Variants in ANGPT2 observed in about 807,000 individuals in gnomAD.
ANGPT2 encodes the protein angiopoietin 2.
ANGPT2 carries 28 observed loss-of-function variants against 62.9 expected under a neutral mutation model. That is an observed-to-expected ratio of 0.44 (90% CI 0.33 to 0.61). ANGPT2 has a LOEUF of 0.61. Ranked by LOEUF, ANGPT2 falls within the 20% of genes least tolerant of loss-of-function variation. ANGPT2 has a pLI of 0.03. For synonymous variants in ANGPT2, 284 were observed against 207.8 expected (o/e 1.37, Z -3.15); for missense variants, 727 against 594.9 (o/e 1.22, Z -2.31).
chr8:6,544,892 G>C (rs1448727719), intron 1 of ANGPT2, among the ~76,000 whole-genome samples: 1 of 149,656 alleles, frequency 6.7e-6, no homozygotes, highest in Non-Finnish European at 1.5e-5. Context: ...GCTAACATCA[G>C]ATTCTTTGGT....
At chr8:6,518,446 T>A (rs1586301674) in intron 5 of ANGPT2, among the ~76,000 whole-genome samples, 1 of 152,210 alleles carries the variant, frequency 6.6e-6, no homozygotes, top group Non-Finnish European at 1.5e-5. Context: ...GTTAGGGACA[T>A]TAACTAATTT....
intron 1 of ANGPT2, among the ~76,000 whole-genome samples, chr8:6,553,080 G>A (rs1368574783): frequency 6.6e-6 from 1 of 152,134 alleles, no homozygotes; most frequent in Non-Finnish European, 1.5e-5. Context: ...TACAGCACCA[G>A]ATGTCAACTG....
chr8:6,557,557 T>A (rs543543386), intron 1 of ANGPT2, among the ~76,000 whole-genome samples: 2 of 152,092 alleles, frequency 1.3e-5, no homozygotes, highest in African/African-American at 4.8e-5. Flanking sequence ...AGAGAATAGG[T>A]GTTGGCTGTC....
At chr8:6,516,064 C>A (rs1436000020) in intron 5 of ANGPT2, among the ~76,000 whole-genome samples, 1 of 152,142 alleles carries the variant, frequency 6.6e-6, no homozygotes, top group Admixed American at 6.5e-5. Flanking sequence ...GGAAGGTCAC[C>A]CAGCTCGTAT....
intron 8 of ANGPT2, among the ~76,000 whole-genome samples, chr8:6,504,008 G>GA (rs1812725576): frequency 6.6e-6 from 1 of 152,110 alleles, no homozygotes; most frequent in African/African-American, 2.4e-5. Context: ...ATATTAAATG[G>GA]AAAAATCTAG....
At chr8:6,538,749 G>A (rs1026471966) in intron 1 of ANGPT2, among the ~76,000 whole-genome samples, 4 of 152,168 alleles carry the variant, frequency 2.6e-5, no homozygotes, top group African/African-American at 9.7e-5. Flanking sequence ...CAGACAATAG[G>A]TTAATGTTCT....
intron 7 of ANGPT2, among the ~76,000 whole-genome samples, chr8:6,509,636 G>T (rs1236034778): frequency 6.6e-6 from 1 of 152,192 alleles, no homozygotes; most frequent in Non-Finnish European, 1.5e-5. Flanking sequence ...ACAAATGTCG[G>T]AGTAAGTTAG....
intron 1 of ANGPT2, among the ~76,000 whole-genome samples, chr8:6,542,797 G>C (rs762520871): frequency 1.3e-5 from 2 of 152,078 alleles, no homozygotes; most frequent in Non-Finnish European, 2.9e-5. Flanking sequence ...GAAGTGGGCA[G>C]TTTTTTTCTT....
chr8:6,538,091 C>G (rs763359698), intron 1 of ANGPT2, among the ~76,000 whole-genome samples: 35 of 152,058 alleles, frequency 2.3e-4, no homozygotes, highest in African/African-American at 7.2e-4. Context: ...GCAACCATCT[C>G]TCACACACAC....
chr8:6,523,465 C>A (rs936992106), intron 3 of ANGPT2, among the ~76,000 whole-genome samples: 4 of 152,148 alleles, frequency 2.6e-5, no homozygotes, highest in African/African-American at 4.8e-5. Flanking sequence ...AAAAATAGTT[C>A]CTGTCCATTA....
chr8:6,535,814 G>A (rs1366861184), intron 1 of ANGPT2, among the ~76,000 whole-genome samples: 4 of 151,972 alleles, frequency 2.6e-5, no homozygotes, highest in African/African-American at 7.3e-5. Flanking sequence ...TTGGGAGGCC[G>A]AGGCAGGAGG....
intron 7 of ANGPT2, among the ~76,000 whole-genome samples, chr8:6,512,115 C>T (rs185031206): frequency 8.7e-4 from 132 of 152,062 alleles, no homozygotes; most frequent in African/African-American, 3.1e-3. Context: ...CCTGATCTTT[C>T]CATAATGAGA....
In ANGPT2 at chr8:6,513,821, T is replaced by G; in HGVS notation, c.1053A>C (p.Glu351Asp). 1 of 1,613,476 alleles carries G rather than the reference T, an allele frequency of 6.2e-7. No individual in the cohort carries two copies. Among genetic ancestry groups the G allele is most frequent in the African/African-American group, 1.3e-5 (1 of 75,014 alleles). Residue 351 changes from glutamate to aspartate, a missense_variant, in exon 7 of 9, where the codon GAA becomes GAC. Coordinates refer to ENST00000629816, the MANE Select transcript of ANGPT2 (RefSeq NM_001118887.2). ...YKVGFGNPSG[E>D]YWLGNEFVSQ... ...AAACAAACTCATTTCCCAGCCAATA[T>G]TCTCCTGAAGGGTTACCAAATCCCT... is the stretch of plus-strand genomic sequence containing the variant.
Position 6,514,726 on chromosome 8 carries a change from C to T in ANGPT2, c.980G>A (p.Arg327His). 1 of 1,614,106 alleles carries T rather than the reference C, an allele frequency of 6.2e-7. No individual in the cohort carries two copies. The highest frequency in any genetic ancestry group is 8.5e-7 in the Non-Finnish European group (1 of 1,180,010). ...CTGAAAATCAACGCTGCCATCCTCA[C>T]GTCGCTGAATAATTGTCCACCCGCC... ...GGGGWTIIQR[R>H]EDGSVDFQRT... is the part of the protein sequence containing the mutation. The change falls in exon 6 of 9, where the codon CGT becomes CAT. Residue 327 changes from arginine to histidine, a missense_variant. Coordinates refer to ENST00000629816, the MANE Select transcript of ANGPT2 (RefSeq NM_001118887.2).
At chr8:6,505,424 A>T (rs10108181) in intron 8 of ANGPT2, among the ~76,000 whole-genome samples, 790 of 67,580 alleles carry the variant, frequency 0.012, 134 homozygotes, top group African/African-American at 0.035. Context: ...TATATACATA[A>T]AGAATATATA....
At chr8:6,529,141 C>G (rs1042853179) in intron 2 of ANGPT2, among the ~76,000 whole-genome samples, 1 of 152,198 alleles carries the variant, frequency 6.6e-6, no homozygotes, top group Non-Finnish European at 1.5e-5. Context: ...ACCATTTTCA[C>G]ATCACTTTTC....
intron 1 of ANGPT2, among the ~76,000 whole-genome samples, chr8:6,555,562 A>T (rs185540861): frequency 6.6e-6 from 1 of 151,554 alleles, no homozygotes; most frequent in African/African-American, 2.4e-5. Context: ...CCTGGGTTCA[A>T]ATGATCCACC....
intron 2 of ANGPT2, among the ~76,000 whole-genome samples, chr8:6,531,117 G>T (rs1420348756): frequency 6.6e-6 from 1 of 152,070 alleles, no homozygotes; most frequent in Non-Finnish European, 1.5e-5. Context: ...CACGACCACG[G>T]CCTTGAGCTT....
intron 1 of ANGPT2, among the ~76,000 whole-genome samples, chr8:6,541,784 A>T (rs1293899407): frequency 6.6e-6 from 1 of 152,158 alleles, no homozygotes; most frequent in African/African-American, 2.4e-5. Flanking sequence ...TAGGAGGATC[A>T]CTTGAGGTCA....
Sources: gnomAD v4.1 joint callset for allele counts (sites outside exome capture counted in the v4.1 genomes callset) on GRCh38, gnomAD v4.1.1 for gene constraint, MANE v1.5 for transcripts, NCBI Gene and HGNC (gene_info 2026-07-23, HGNC 2026-07-21) for gene names.